Variants in RPS6KA2 observed in about 807,000 individuals in gnomAD.
RPS6KA2 encodes the protein ribosomal protein S6 kinase alpha-2.
RPS6KA2 carries 42 observed loss-of-function variants against 91.8 expected under a neutral mutation model. The observed-to-expected ratio is 0.46, with a 90% CI of 0.36 to 0.59. The LOEUF (loss-of-function observed/expected upper bound fraction) is 0.59, where lower values mean the gene tolerates loss of function less well. Ranked by LOEUF, RPS6KA2 falls within the 20% of genes least tolerant of loss-of-function variation. The pLI, the probability that RPS6KA2 is intolerant of heterozygous loss-of-function variation, is 0.00. For missense variants in RPS6KA2, 798 were observed against 978.5 expected (o/e 0.82, Z 2.46); for synonymous variants, 414 against 393.6 (o/e 1.05, Z -0.61).
At chr6:166,588,364 C>T (rs370396074) in intron 1 of RPS6KA2, among the ~76,000 whole-genome samples, 28 of 128,420 alleles carry the variant, frequency 2.2e-4, no homozygotes, top group African/African-American at 8.2e-4. Flanking sequence ...GCAGGGGTGG[C>T]TTTCTGCAGA....
intron 3 of RPS6KA2, among the ~76,000 whole-genome samples, chr6:166,525,373 G>C (rs956007424): frequency 6.6e-6 from 1 of 152,150 alleles, no homozygotes; most frequent in East Asian, 1.9e-4. Context: ...AGGCAGCACC[G>C]CCGGGTCAGA....
intron 2 of RPS6KA2, among the ~76,000 whole-genome samples, chr6:166,703,222 T>A (rs527667970): frequency 5.1e-4 from 78 of 152,374 alleles, no homozygotes; most frequent in African/African-American, 1.8e-3. Context: ...TATATGGATG[T>A]CAATGGCTAC....
rs1026635771 is a variant in RPS6KA2 at position 166,418,711 on chromosome 6, C to T, written c.1821-369G>A. 1.3e-5 allele frequency among the ~76,000 whole-genome samples: 2 copies of T among 152,242 alleles called. No homozygotes were observed. Among genetic ancestry groups the T allele is most frequent in the Non-Finnish European group, 2.9e-5 (2 of 68,050 alleles). ...TGAGACGTGGAGTCTGAGAGACCCA[C>T]GGTGGATGTATTCCCAACTCTGTGT... On this transcript the variant is annotated intron_variant, in intron 18 of 20. Transcript: ENST00000265678. The surrounding 1 kb of genome is among the most constrained non-coding windows in gnomAD (Gnocchi z 4.9).
At chr6:166,625,330 C>CT (rs1786826081) in intron 1 of RPS6KA2, among the ~76,000 whole-genome samples, 1 of 38,058 alleles carries the variant, frequency 2.6e-5, no homozygotes, top group Non-Finnish European at 4.6e-5. Context: ...ACCACCCCCC[C>CT]ACCCCCCCCC....
rs10946183 is a variant in RPS6KA2, at chr6:166,732,516, T to C, written c.123+125684A>G. Among the ~76,000 whole-genome samples the C allele has an allele frequency of 0.016, 2,477 of 152,288 alleles. 58 individuals are homozygous for C. The highest frequency in any genetic ancestry group is 0.1 in the East Asian group (522 of 5,178). ...GTGAACCGGGAATCACTGAACCTTA[T>C]CACATGGGCTTGCTATGGGAGTTCA... On this transcript the variant is annotated intron_variant, in intron 2 of 21. Transcript: ENST00000503859. This position sits in a 1 kb window ranked among gnomAD's most constrained non-coding sequence, Gnocchi z 4.0.
intron 2 of RPS6KA2, among the ~76,000 whole-genome samples, chr6:166,643,040 C>G (rs79870075): frequency 0.01 from 1,526 of 152,314 alleles, 30 homozygotes; most frequent in African/African-American, 0.034. Flanking sequence ...TCTAGGCCCC[C>G]ATAGGATGTG....
chr6:166,671,253 G>T (rs1389964470), intron 2 of RPS6KA2, among the ~76,000 whole-genome samples: 1 of 152,210 alleles, frequency 6.6e-6, no homozygotes, highest in Non-Finnish European at 1.5e-5. Flanking sequence ...GAGGGAACAA[G>T]AATCTCATTT....
chr6:166,556,935 A>G (rs1784194788), intron 1 of RPS6KA2, among the ~76,000 whole-genome samples: 1 of 152,252 alleles, frequency 6.6e-6, no homozygotes, highest in Non-Finnish European at 1.5e-5. Flanking sequence ...AGAGGCTGGT[A>G]TGCTGGGCGT....
chr6:166,709,926 A>C (rs1789794494), intron 2 of RPS6KA2, among the ~76,000 whole-genome samples: 1 of 152,232 alleles, frequency 6.6e-6, no homozygotes, highest in Non-Finnish European at 1.5e-5. Flanking sequence ...TGATTTTCTA[A>C]ATGGAAGCAC....
intron 8 of RPS6KA2, among the ~76,000 whole-genome samples, chr6:166,496,773 C>T (rs1049561175): frequency 6.6e-6 from 1 of 152,184 alleles, no homozygotes; most frequent in African/African-American, 2.4e-5. Flanking sequence ...CCTGGATGTG[C>T]AGCGTGGCCA....
chr6:166,419,838 T>G lies in RPS6KA2; in HGVS notation c.1820+44A>C. 6.4e-7 allele frequency: 1 copy of G among 1,561,440 alleles called. No homozygotes were observed. The highest frequency in any genetic ancestry group is 8.8e-7 in the Non-Finnish European group (1 of 1,132,616). On this transcript the variant is annotated intron_variant, in intron 18 of 20. Coordinates refer to ENST00000265678, the MANE Select transcript of RPS6KA2 (RefSeq NM_021135.6). The surrounding 1 kb of genome is among the most constrained non-coding windows in gnomAD (Gnocchi z 5.6). ...CTGACAGATCAGCCACTGAGGCTGC[T>G]GCCCTGTGTCTCCTCCTGACACCTG...
chr6:166,589,767 C>T (rs1785297923), intron 1 of RPS6KA2, among the ~76,000 whole-genome samples: 2 of 152,200 alleles, frequency 1.3e-5, no homozygotes, highest in Admixed American at 1.3e-4. Context: ...GACTCTCACC[C>T]AGTGCTTTGG....
Position 166,430,665 on chromosome 6 carries a change from G to A in RPS6KA2, c.1423-54C>T, listed in dbSNP as rs1007129362. The A allele has an allele frequency of 1.9e-6, 3 of 1,559,426 alleles. No homozygotes were observed. In the African/African-American group the frequency reaches 4.1e-5, roughly 21 times the overall value. On this transcript the variant is annotated intron_variant, in intron 15 of 20. Transcript: ENST00000265678. Reference sequence around the variant, plus strand: ...CACCACGGCTGGTTGCTGTGAAAGAGCAACTACTCCAGAGGGGACAGGAGA... The same window carrying A: ...CACCACGGCTGGTTGCTGTGAAAGAACAACTACTCCAGAGGGGACAGGAGA...
At chr6:166,531,874 T>A (rs1437788736) in intron 2 of RPS6KA2, among the ~76,000 whole-genome samples, 1 of 152,170 alleles carries the variant, frequency 6.6e-6, no homozygotes, top group Non-Finnish European at 1.5e-5. Context: ...TTGATGTGTA[T>A]CACTGAGAAA....
At chr6:166,647,939 CAT>C (rs1787687455) in intron 2 of RPS6KA2, among the ~76,000 whole-genome samples, 1 of 148,248 alleles carries the variant, frequency 6.7e-6, no homozygotes, top group Non-Finnish European at 1.5e-5. Context: ...CGCACATGCT[CAT>C]ACACACACAT....
At chr6:166,436,237 A>G (rs963118567) in intron 14 of RPS6KA2, among the ~76,000 whole-genome samples, 1 of 150,582 alleles carries the variant, frequency 6.6e-6, no homozygotes, top group African/African-American at 2.5e-5. Flanking sequence ...CTGAATCCTC[A>G]CTGCGAGTCC....
chr6:166,829,320 G>T (rs550081034), intron 2 of RPS6KA2, among the ~76,000 whole-genome samples: 21 of 152,218 alleles, frequency 1.4e-4, no homozygotes, highest in African/African-American at 5.1e-4. Flanking sequence ...GGCCGGGCGC[G>T]GTGGCTCACG....
intron 1 of RPS6KA2, among the ~76,000 whole-genome samples, chr6:166,555,334 C>T (rs567645360): frequency 6.6e-6 from 1 of 152,302 alleles, no homozygotes; most frequent in East Asian, 1.9e-4. Context: ...TTGTTCTGGG[C>T]TCTCCGACCT....
intron 10 of RPS6KA2, among the ~76,000 whole-genome samples, chr6:166,482,072 T>C (rs888958103): frequency 6.6e-6 from 1 of 151,606 alleles, no homozygotes; most frequent in Non-Finnish European, 1.5e-5. Context: ...ACTGTACATA[T>C]ACCTCTCTGA....
Sources: gnomAD v4.1 joint callset for allele counts (sites outside exome capture counted in the v4.1 genomes callset) on GRCh38, gnomAD v4.1.1 for gene constraint, Gnocchi (gnomAD v3.1) non-coding constraint, MANE v1.5 for transcripts, NCBI Gene and HGNC (gene_info 2026-07-23, HGNC 2026-07-21) for gene names.